MYH10: variants seen among roughly 807,000 people sequenced by gnomAD.
The protein encoded by MYH10 is myosin-10.
A neutral mutation model predicts 257.8 loss-of-function variants in MYH10; 55 were observed. That is an observed-to-expected ratio of 0.21 (90% confidence interval 0.17 to 0.27). The LOEUF (loss-of-function observed/expected upper bound fraction) is 0.27. Among genes scored for constraint, MYH10 ranks in the 10% least tolerant of loss-of-function variants. The pLI is 1.00. For synonymous variants in MYH10, 854 were observed against 921.7 expected (o/e 0.93, Z 1.33); for missense variants, 1,631 against 2,500.6 (o/e 0.65, Z 7.42).
chr17:8,541,346 A>G (rs1479720163), intron 14 of MYH10, among the ~76,000 whole-genome samples: 1 of 152,254 alleles, frequency 6.6e-6, no homozygotes, highest in East Asian at 1.9e-4. Context: ...TCTACGTTAC[A>G]GATATCGGTG....
chr17:8,588,387 T>C (rs1165414323), intron 4 of MYH10, among the ~76,000 whole-genome samples: 1 of 152,156 alleles, frequency 6.6e-6, no homozygotes, highest in Non-Finnish European at 1.5e-5. Context: ...CTCATTATCA[T>C]CCACTCCAAA....
chr17:8,504,601 C>T lies in MYH10; in HGVS notation c.3599+93G>A. On this transcript the variant is annotated intron_variant, in intron 28 of 42. Coordinates refer to ENST00000360416, the MANE Select transcript of MYH10 (RefSeq NM_001256012.3). The surrounding 1 kb of genome is among the most constrained non-coding windows in gnomAD (Gnocchi z 5.6). ...GCCATCACAAGGAAAAGCACACCAC[C>T]TCCCAAAGATAGCAAGCACACCAGG... 2.7e-6 allele frequency: 3 copies of T among 1,119,268 alleles called. No homozygotes were observed. The highest frequency in any genetic ancestry group is 2.4e-5 in the East Asian group (1 of 42,120). 69.3% of individuals were successfully genotyped at this position (1,119,268 alleles called of 1,614,324 possible). A position where few individuals can be genotyped will look rare whatever the true frequency, so the allele number is the denominator to read the frequency against.
intron 1 of MYH10, among the ~76,000 whole-genome samples, chr17:8,623,876 C>G (rs1301993674): frequency 2.0e-5 from 3 of 152,172 alleles, no homozygotes; most frequent in Non-Finnish European, 2.9e-5. Context: ...AAAAGACAAG[C>G]ATAACTTGGC....
chr17:8,534,906 T>G (rs75325107), intron 16 of MYH10, among the ~76,000 whole-genome samples: 1,949 of 152,338 alleles, frequency 0.013, 35 homozygotes, highest in African/African-American at 0.045. Context: ...AAAAGAACTA[T>G]GAGGACTGAT....
At chr17:8,499,198 A>T in intron 30 of MYH10, 72 bp downstream of exon 30, 1 of 1,482,790 alleles carries the variant, frequency 6.7e-7, no homozygotes, top group South Asian at 1.2e-5. Context: ...CTCTTATTGC[A>T]CAGAGGGATA....
At chr17:8,605,008 TAA>T in intron 2 of MYH10, 26 bp from the exon 3 acceptor site, 5 of 1,194,110 alleles carry the variant, frequency 4.2e-6, no homozygotes, top group South Asian at 3.8e-5. Context: ...AATAGAGTAT[TAA>T]AAAAAAAACC....
At chr17:8,613,894 CA>C (rs112530084) in intron 2 of MYH10, among the ~76,000 whole-genome samples, 4,799 of 144,836 alleles carry the variant, frequency 0.033, 271 homozygotes, top group African/African-American at 0.11. Context: ...AACACTAATC[CA>C]AAAAAAAAAG....
At chr17:8,630,569 C>CT (rs2085880686) in intron 1 of MYH10, 85 bp downstream of exon 1, 1 of 154,114 alleles carries the variant, frequency 6.5e-6, no homozygotes, top group Admixed American at 6.5e-5. Flanking sequence ...CCCGGGACCC[C>CT]TCAGCCCAGG....
intron 17 of MYH10, among the ~76,000 whole-genome samples, chr17:8,521,731 AG>A (rs1251922444): frequency 6.6e-6 from 1 of 152,238 alleles, no homozygotes; most frequent in Non-Finnish European, 1.5e-5. Flanking sequence ...AAATAACCTC[AG>A]GGACTAGGGA....
Position 8,521,229 on chromosome 17 carries a change from A to G in MYH10, c.2014T>C (p.Ser672Pro). The G allele has an allele frequency of 1.2e-6, 2 of 1,614,180 alleles. No homozygotes were observed. Among genetic ancestry groups the G allele is most frequent in the Non-Finnish European group, 1.7e-6 (2 of 1,180,026 alleles). ...VTGMTETAFG[S>P]AYKTKKGMFR... Reference sequence around the variant, plus strand: ...ATGCCCTTCTTGGTTTTATATGCGGAGCCAAAAGCTGTCTCAGTCATACCA... The same window carrying G: ...ATGCCCTTCTTGGTTTTATATGCGGGGCCAAAAGCTGTCTCAGTCATACCA... The change falls in exon 18 of 43, where the codon TCC (serine) becomes CCC (proline). Residue 672 changes from serine (S) to proline (P), a missense_variant. This residue lies in a region of MYH10 where 96 missense variants were observed against 146.2 expected (regional missense o/e 0.66). Coordinates refer to ENST00000360416, the MANE Select transcript of MYH10 (RefSeq NM_001256012.3).
At chr17:8,616,501 T>C (rs749323999) in intron 2 of MYH10, among the ~76,000 whole-genome samples, 2 of 152,034 alleles carry the variant, frequency 1.3e-5, no homozygotes, top group Non-Finnish European at 2.9e-5. Context: ...CTATATACCA[T>C]ATGAATAATA....
At position 8,535,807 on chromosome 17, in the gene MYH10, C is replaced by T. The variant is rs1455227893; in HGVS notation, c.1730G>A (p.Arg577Gln). ...AAAATCAGCTTTGTCTTTTAATTGT[C>T]GAGGTTTCTGAAACTTGGAGTGGGA... The part of the protein sequence containing the change: ...QGSHSKFQKP[R>Q]QLKDKADFCI... Residue 577 changes from arginine (R) to glutamine (Q), a missense_variant, in exon 15 of 43, where the codon CGA becomes CAA. Coordinates refer to ENST00000360416, the MANE Select transcript of MYH10 (RefSeq NM_001256012.3). This position sits in a 1 kb window ranked among gnomAD's most constrained non-coding sequence, Gnocchi z 4.3. The T allele has an allele frequency of 2.5e-6, 4 of 1,614,128 alleles. No homozygotes were observed. Among genetic ancestry groups the T allele is most frequent in the Non-Finnish European group, 3.4e-6 (4 of 1,180,038 alleles).
intron 1 of MYH10, among the ~76,000 whole-genome samples, chr17:8,627,303 G>A (rs1415725153): frequency 6.6e-6 from 1 of 152,072 alleles, no homozygotes; most frequent in African/African-American, 2.4e-5. Flanking sequence ...ATATAACAGG[G>A]GATCTGTACC....
rs1914380877 is a variant in MYH10, at chr17:8,484,281, G to A, written c.5047-15C>T. The A allele has an allele frequency of 6.3e-7, 1 of 1,598,678 alleles. No homozygotes were observed. The highest frequency in any genetic ancestry group is 1.4e-5 in the African/African-American group (1 of 73,800). The stretch of plus-strand genomic sequence containing the variant: ...TTCATCTGAGCCTAAGATTAAATAA[G>A]AAGGTTTTGGGGTGGTTTACATTCT... On this transcript the variant is annotated splice_polypyrimidine_tract_variant and intron_variant, in intron 36 of 42. Transcript: ENST00000360416.
chr17:8,616,683 G>T (rs1011875940), intron 2 of MYH10, among the ~76,000 whole-genome samples: 4 of 151,934 alleles, frequency 2.6e-5, no homozygotes, highest in African/African-American at 9.7e-5. Context: ...ATATTATAAA[G>T]ATCTAATTTC....
intron 21 of MYH10, 109 bp downstream of exon 21, chr17:8,518,522 G>A (rs2081549104): frequency 1.7e-6 from 2 of 1,209,644 alleles, no homozygotes; most frequent in South Asian, 1.5e-5. Context: ...AGCAACTTCT[G>A]TAAGGACAGA....
At chr17:8,592,180 T>C (rs1019833493) in intron 3 of MYH10, among the ~76,000 whole-genome samples, 6 of 152,216 alleles carry the variant, frequency 3.9e-5, no homozygotes, top group Admixed American at 1.3e-4. Flanking sequence ...AATAAATCCA[T>C]GTTGAATCAA....
At chr17:8,496,359 T>C (rs1323098984) in intron 30 of MYH10, among the ~76,000 whole-genome samples, 1 of 152,198 alleles carries the variant, frequency 6.6e-6, no homozygotes, top group Non-Finnish European at 1.5e-5. Flanking sequence ...GAGCTCACAC[T>C]TCATCAGTCT....
At chr17:8,607,238 GTAAT>G (rs1276265029) in intron 2 of MYH10, among the ~76,000 whole-genome samples, 2 of 152,174 alleles carry the variant, frequency 1.3e-5, no homozygotes, top group African/African-American at 4.8e-5. Flanking sequence ...TAAAAGGCAT[GTAAT>G]TAGAGACTAG....
Sources: gnomAD v4.1 joint callset for allele counts (sites outside exome capture counted in the v4.1 genomes callset) on GRCh38, gnomAD v4.1.1 for gene constraint, gnomAD v4.1.1 regional missense constraint, Gnocchi (gnomAD v3.1) non-coding constraint, MANE v1.5 for transcripts, NCBI Gene and HGNC (gene_info 2026-07-23, HGNC 2026-07-21) for gene names.